Variants in DLGAP1 observed in about 807,000 individuals in gnomAD.
The protein encoded by DLGAP1 is disks large-associated protein 1.
A neutral mutation model predicts 90.8 loss-of-function variants in DLGAP1; 11 were observed. The observed-to-expected ratio is 0.12, with a 90% CI of 0.08 to 0.20. DLGAP1 has a LOEUF of 0.20. Among genes scored for constraint, DLGAP1 ranks in the 10% least tolerant of loss-of-function variants. The probability of loss-of-function intolerance (pLI) is 1.00; values close to 1 mark genes in which losing one functional copy is unlikely to be tolerated. For synonymous variants in DLGAP1, 558 were observed against 540.7 expected (o/e 1.03, Z -0.44); for missense variants, 1,050 against 1,333.8 (o/e 0.79, Z 3.31).
At chr18:4,072,997 C>G (rs563199582) in intron 2 of DLGAP1, among the ~76,000 whole-genome samples, 12 of 152,034 alleles carry the variant, frequency 7.9e-5, no homozygotes, top group Non-Finnish European at 1.6e-4. Context: ...ATCTGGACTC[C>G]CCATTACAAA....
At chr18:3,545,518 C>T (rs1037849297) in intron 9 of DLGAP1, among the ~76,000 whole-genome samples, 4 of 151,986 alleles carry the variant, frequency 2.6e-5, no homozygotes, top group Non-Finnish European at 5.9e-5. Flanking sequence ...AAATAAAAAG[C>T]GAAACCAACT....
At chr18:3,959,389 G>A (rs1317539265) in intron 3 of DLGAP1, among the ~76,000 whole-genome samples, 7 of 152,050 alleles carry the variant, frequency 4.6e-5, no homozygotes, top group African/African-American at 1.2e-4. Flanking sequence ...AATTGGGGCC[G>A]GGCGTGGTGG....
rs886908665 is a variant in DLGAP1 at position 3,523,382 on chromosome 18, A to G, written c.2479+10812T>C. 4.8e-5 allele frequency among the ~76,000 whole-genome samples: 7 copies of G among 146,942 alleles called. No individual in the cohort carries two copies. The South Asian group carries it at 8.6e-4, about 18-fold the overall frequency. ...ACAGAGCAAGGCTCCATCTCAAAGAAAAAAAAAAATTAAAAAAAATAAAAA... is the reference window on the plus strand; with the variant it reads ...ACAGAGCAAGGCTCCATCTCAAAGAGAAAAAAAAATTAAAAAAAATAAAAA... On this transcript the variant is annotated intron_variant, in intron 10 of 12. Transcript: ENST00000315677.
chr18:3,703,556 G>A (rs1315527027), intron 7 of DLGAP1, among the ~76,000 whole-genome samples: 3 of 152,214 alleles, frequency 2.0e-5, no homozygotes, highest in Admixed American at 6.5e-5. Flanking sequence ...AGAGGAGAGC[G>A]AGTGGCTGTT....
chr18:4,197,188 T>TAAAAAAAAAAAAAAAAAAAAAAA (rs532844849), intron 1 of DLGAP1, among the ~76,000 whole-genome samples: 2 of 73,740 alleles, frequency 2.7e-5, no homozygotes, highest in African/African-American at 5.2e-5. Flanking sequence ...TAAAAAAAAG[T>TAAAAAAAAAAAAAAAAAAAAAAA]AAAAAAAAAA....
chr18:3,568,736 G>T (rs931990144), intron 8 of DLGAP1, among the ~76,000 whole-genome samples: 3 of 151,932 alleles, frequency 2.0e-5, no homozygotes, highest in Non-Finnish European at 4.4e-5. Flanking sequence ...ACCCAGGCTG[G>T]AGTGCAGTGG....
Position 3,600,721 on chromosome 18 carries a change from G to GATATAT in DLGAP1, c.1592-18474_1592-18473insATATAT, listed in dbSNP as rs1568277280. 6.8e-4 allele frequency among the ~76,000 whole-genome samples: 16 copies of GATATAT among 23,636 alleles called. 4 individuals carry two copies. Among genetic ancestry groups the GATATAT allele is most frequent in the African/African-American group, 4.1e-3 (16 of 3,924 alleles). The allele number at this position is 23,636 out of a possible 152,430, so 15.5% of individuals were successfully genotyped here. ...AGATATCTATAGCTATATAGATATA[G>GATATAT]AGATATAGATATATATAGATATATA... On this transcript the variant is annotated intron_variant, in intron 7 of 12. Coordinates refer to ENST00000315677, the MANE Select transcript of DLGAP1 (RefSeq NM_004746.4).
chr18:3,995,452 C>T (rs1439801377), intron 3 of DLGAP1: 2 of 152,042 alleles, frequency 1.3e-5, no homozygotes, highest in Admixed American at 6.5e-5. Flanking sequence ...CAGAAAATTC[C>T]GTAAGAAAGA....
rs1022407 is a variant in DLGAP1 at position 4,172,311 on chromosome 18, A to G, written c.-266-21024T>C. On this transcript the variant is annotated intron_variant, in intron 1 of 12. Coordinates refer to ENST00000315677, the MANE Select transcript of DLGAP1 (RefSeq NM_004746.4). ...ATGTGGCCACCTCCAATTTGAAATAATTTTTCTGTTCAAGATAACTACATA... is the reference window on the plus strand; with the variant it reads ...ATGTGGCCACCTCCAATTTGAAATAGTTTTTCTGTTCAAGATAACTACATA... Among the ~76,000 whole-genome samples the G allele has an allele frequency of 2.3e-3, 349 of 152,250 alleles. 4 individuals carry two copies. Among genetic ancestry groups the G allele is most frequent in the African/African-American group, 6.8e-3 (283 of 41,546 alleles).
chr18:4,343,667 G>A (rs935943215), intron 1 of DLGAP1, among the ~76,000 whole-genome samples: 5 of 151,998 alleles, frequency 3.3e-5, no homozygotes, highest in Non-Finnish European at 7.4e-5. Context: ...GGGGCTAGGG[G>A]AGGGATAGCA....
At chr18:3,885,989 A>G (rs2071302534) in intron 3 of DLGAP1, among the ~76,000 whole-genome samples, 2 of 152,242 alleles carry the variant, frequency 1.3e-5, no homozygotes, top group African/African-American at 2.4e-5. Flanking sequence ...CAAAGGGGAA[A>G]TAGTCTTGCA....
chr18:3,851,212 A>G (rs2069320723), intron 4 of DLGAP1, among the ~76,000 whole-genome samples: 1 of 152,174 alleles, frequency 6.6e-6, no homozygotes, highest in Non-Finnish European at 1.5e-5. Context: ...TTAATCCAAG[A>G]GGAAAGTGCT....
chr18:4,095,619 A>G (rs1054420961), intron 2 of DLGAP1, among the ~76,000 whole-genome samples: 9 of 152,070 alleles, frequency 5.9e-5, no homozygotes, highest in Non-Finnish European at 8.8e-5. Context: ...TTGTGCCCCA[A>G]GTCAGGGCCA....
intron 1 of DLGAP1, among the ~76,000 whole-genome samples, chr18:4,232,409 G>A (rs779444529): frequency 2.0e-5 from 3 of 152,100 alleles, no homozygotes; most frequent in Non-Finnish European, 2.9e-5. Flanking sequence ...AATTATAAAT[G>A]GTTAGACTTG....
intron 7 of DLGAP1, among the ~76,000 whole-genome samples, chr18:3,642,297 T>G (rs868180057): frequency 6.6e-6 from 1 of 152,162 alleles, no homozygotes; most frequent in African/African-American, 2.4e-5. Flanking sequence ...AATCTGAAAA[T>G]CCAAAATCCA....
intron 4 of DLGAP1, among the ~76,000 whole-genome samples, chr18:3,860,352 T>C (rs1206812616): frequency 6.6e-6 from 1 of 152,210 alleles, no homozygotes; most frequent in Non-Finnish European, 1.5e-5. Flanking sequence ...CATCATATAA[T>C]GTCCCATTTC....
At chr18:4,061,958 T>C (rs189586282) in intron 2 of DLGAP1, among the ~76,000 whole-genome samples, 1 of 152,246 alleles carries the variant, frequency 6.6e-6, no homozygotes, top group East Asian at 1.9e-4. Context: ...ACTTTAGAGA[T>C]TGTGACATTA....
At position 3,741,121 on chromosome 18, in the gene DLGAP1, TCAC is replaced by T. The variant is rs200693482; in HGVS notation, c.1350+1211_1350+1213del. ...ACCACCATCACCATCACCACCACCA[TCAC>T]CACCACCACCACATCACCATCACCA... On this transcript the variant is annotated intron_variant, in intron 6 of 12. Transcript: ENST00000315677. Among the ~76,000 whole-genome samples the T allele has an allele frequency of 5.8e-3, 291 of 49,826 alleles. 6 individuals are homozygous for T. Among genetic ancestry groups the T allele is most frequent in the African/African-American group, 0.019 (248 of 13,068 alleles). 32.7% of individuals were successfully genotyped at this position (49,826 alleles called of 152,430 possible). A position where few individuals can be genotyped will look rare whatever the true frequency, so the allele number is the denominator to read the frequency against.
chr18:4,044,569 T>C (rs1027867566), intron 2 of DLGAP1, among the ~76,000 whole-genome samples: 14 of 151,862 alleles, frequency 9.2e-5, no homozygotes, highest in African/African-American at 3.4e-4. Context: ...GGTGAAACCC[T>C]GTCTCTACTA....
Sources: allele counts gnomAD v4.1 joint callset (sites outside exome capture counted in the v4.1 genomes callset), GRCh38; gene constraint gnomAD v4.1.1; transcripts MANE v1.5; gene names NCBI Gene and HGNC (gene_info 2026-07-23, HGNC 2026-07-21).